TIAM2: variants seen among roughly 807,000 people sequenced by gnomAD.
The protein encoded by TIAM2 is rho guanine nucleotide exchange factor TIAM2.
TIAM2 carries 80 observed loss-of-function variants against 152.9 expected under a neutral mutation model. That is an observed-to-expected ratio of 0.52 (90% confidence interval 0.44 to 0.63). The LOEUF is 0.63. TIAM2 is among the 30% of genes least tolerant of loss of function. TIAM2 has a pLI of 0.00. For missense variants in TIAM2, 1,965 were observed against 2,120.1 expected (o/e 0.93, Z 1.44); for synonymous variants, 804 against 838.0 (o/e 0.96, Z 0.70).
intron 2 of TIAM2, among the ~76,000 whole-genome samples, chr6:155,090,708 T>C (rs1778283735): frequency 6.6e-6 from 1 of 152,160 alleles, no homozygotes; most frequent in Non-Finnish European, 1.5e-5. Context: ...CGTCCTTTTA[T>C]GTGCCACATA....
At chr6:155,159,429 C>T (rs1346953922) in intron 7 of TIAM2, among the ~76,000 whole-genome samples, 1 of 152,078 alleles carries the variant, frequency 6.6e-6, no homozygotes, top group Non-Finnish European at 1.5e-5. Context: ...GGGTCCCTGT[C>T]CCCTACATGT....
intron 4 of TIAM2, among the ~76,000 whole-genome samples, chr6:155,133,345 TCAACAA>T (rs532315835): frequency 5.9e-4 from 90 of 152,108 alleles, no homozygotes; most frequent in African/African-American, 2.1e-3. Flanking sequence ...AGACTCCATC[TCAACAA>T]CAACAACAAC....
At chr6:155,142,846 A>T (rs1779741468) in intron 5 of TIAM2, among the ~76,000 whole-genome samples, 1 of 152,214 alleles carries the variant, frequency 6.6e-6, no homozygotes, top group Admixed American at 6.5e-5. Flanking sequence ...CTGCTTCCGA[A>T]GTCCAAGCTT....
intron 2 of TIAM2, among the ~76,000 whole-genome samples, chr6:155,126,003 G>A (rs1779285362): frequency 6.6e-6 from 1 of 152,202 alleles, no homozygotes; most frequent in Non-Finnish European, 1.5e-5. Flanking sequence ...AGCAGGGTCT[G>A]GAAGAGCTAG....
Position 155,137,556 on chromosome 6 carries a change from G to A in TIAM2, c.1574G>A (p.Arg525Lys), listed in dbSNP as rs1240524175. Residue 525 changes from arginine to lysine, a missense_variant, in exon 5 of 27, where the codon AGG becomes AAG. Arg to Lys is a conservative substitution (Grantham distance 26). Around this residue, in one of 3 missense-constraint regions of TIAM2, gnomAD observed 1,025 missense variants for 1,119.4 expected, o/e 0.92. Transcript: ENST00000682666. ...FKPLVTVQKE[R>K]KLELVARRKW... ...CCCCTGGTCACTGTGCAGAAGGAAA[G>A]GAAGCTTGAGCTGGTGGCACGAAGG... The A allele has an allele frequency of 1.9e-6, 3 of 1,612,252 alleles. No homozygotes were observed. Among genetic ancestry groups the A allele is most frequent in the South Asian group, 2.2e-5 (2 of 91,040 alleles).
intron 9 of TIAM2, among the ~76,000 whole-genome samples, chr6:155,172,251 A>T (rs946573268): frequency 1.3e-5 from 2 of 152,116 alleles, no homozygotes; most frequent in Non-Finnish European, 2.9e-5. Context: ...GTTGGAGCTG[A>T]CTGCAAGGTG....
chr6:155,256,450 T>A, intron 26 of TIAM2, 34 bp from the exon 27 acceptor site: 1 of 1,613,732 alleles, frequency 6.2e-7, no homozygotes, highest in Non-Finnish European at 8.5e-7. Flanking sequence ...AACCTGTTTC[T>A]GTATCACAGC....
At chr6:155,035,649 C>CT (rs1776909586) in intron 1 of TIAM2, among the ~76,000 whole-genome samples, 1 of 152,146 alleles carries the variant, frequency 6.6e-6, no homozygotes, top group African/African-American at 2.4e-5. Context: ...AACTTAGCCT[C>CT]TTTTTTTCCA....
intron 14 of TIAM2, among the ~76,000 whole-genome samples, chr6:155,194,026 A>C (rs1781273509): frequency 6.6e-6 from 1 of 152,228 alleles, no homozygotes; most frequent in Non-Finnish European, 1.5e-5. Flanking sequence ...CACCTGGAGA[A>C]GGGCTGTTCC....
chr6:155,089,932 ATCTG>A (rs889212577), intron 1 of TIAM2, among the ~76,000 whole-genome samples: 17 of 152,104 alleles, frequency 1.1e-4, no homozygotes, highest in Middle Eastern at 6.8e-3. Context: ...CCATCCATCC[ATCTG>A]TCCGTCCGTC....
chr6:155,191,088 T>C (rs536274148), intron 14 of TIAM2, among the ~76,000 whole-genome samples: 66 of 152,304 alleles, frequency 4.3e-4, no homozygotes, highest in Admixed American at 3.7e-3. Flanking sequence ...TTCAGATTGG[T>C]AATACATGCG....
At chr6:155,248,326 T>TTTCACATA in intron 20 of TIAM2, 147 bp downstream of exon 20, 1 of 947,706 alleles carries the variant, frequency 1.1e-6, no homozygotes, top group Non-Finnish European at 1.5e-6. Context: ...TAATCTTAGG[T>TTTCACATA]TTCACGTGAA....
intron 15 of TIAM2, among the ~76,000 whole-genome samples, chr6:155,217,333 G>T (rs1781884855): frequency 6.6e-6 from 1 of 152,182 alleles, no homozygotes; most frequent in Non-Finnish European, 1.5e-5. Context: ...CGCTGTCACT[G>T]TTCCTTTCTC....
chr6:155,162,899 G>A (rs962796427), intron 7 of TIAM2, among the ~76,000 whole-genome samples: 1 of 152,194 alleles, frequency 6.6e-6, no homozygotes, highest in African/African-American at 2.4e-5. Flanking sequence ...GACAAATGAT[G>A]ATGATTAAGA....
intron 1 of TIAM2, among the ~76,000 whole-genome samples, chr6:155,047,410 C>T (rs965740535): frequency 1.3e-5 from 2 of 152,116 alleles, no homozygotes; most frequent in African/African-American, 4.8e-5. Context: ...GAACTCCTGA[C>T]CTCAAGTGAT....
At chr6:155,087,923 CT>C (rs1189959279) in intron 1 of TIAM2, among the ~76,000 whole-genome samples, 1 of 152,024 alleles carries the variant, frequency 6.6e-6, no homozygotes, top group African/African-American at 2.4e-5. Flanking sequence ...ATCACACTAC[CT>C]CTTTGAGTTT....
At chr6:155,036,580 A>ATTT (rs1334166045) in intron 1 of TIAM2, among the ~76,000 whole-genome samples, 1 of 118,712 alleles carries the variant, frequency 8.4e-6, no homozygotes, top group Non-Finnish European at 1.7e-5. Flanking sequence ...AGTTTGGAGA[A>ATTT]ATTATTTATT....
At chr6:155,242,382 G>A (rs1000353683) in intron 16 of TIAM2, among the ~76,000 whole-genome samples, 2 of 152,218 alleles carry the variant, frequency 1.3e-5, no homozygotes, top group African/African-American at 4.8e-5. Context: ...CATGCTCCTT[G>A]AAATTTTTGA....
At chr6:155,228,851 G>C (rs1287131155) in intron 15 of TIAM2, among the ~76,000 whole-genome samples, 1 of 152,158 alleles carries the variant, frequency 6.6e-6, no homozygotes, top group Non-Finnish European at 1.5e-5. Context: ...CCGTCCTGGG[G>C]AGCAGGGGTC....
Sources: gnomAD v4.1 joint callset for allele counts (sites outside exome capture counted in the v4.1 genomes callset) on GRCh38, gnomAD v4.1.1 for gene constraint, gnomAD v4.1.1 regional missense constraint, MANE v1.5 for transcripts, NCBI Gene and HGNC (gene_info 2026-07-23, HGNC 2026-07-21) for gene names.